The following FRMD4A variants were observed in gnomAD, a reference collection of about 807,000 sequenced individuals.
The protein encoded by FRMD4A is FERM domain-containing protein 4A.
Under a neutral mutation model 129.1 loss-of-function variants are expected in FRMD4A, and 29 were observed. That is an observed-to-expected ratio of 0.22 (90% CI 0.17 to 0.31). The LOEUF (loss-of-function observed/expected upper bound fraction) is 0.31. FRMD4A is among the 10% of genes least tolerant of loss of function. FRMD4A has a pLI of 1.00. For missense variants in FRMD4A, 1,272 were observed against 1,375.8 expected, an observed-to-expected ratio of 0.92 and a Z score of 1.19; for synonymous variants, 634 against 571.6, an observed-to-expected ratio of 1.11 and a Z score of -1.56.
chr10:14,006,631 C>G (rs994507377), intron 2 of FRMD4A, among the ~76,000 whole-genome samples: 1 of 152,026 alleles, frequency 6.6e-6, no homozygotes, highest in Non-Finnish European at 1.5e-5. Flanking sequence ...TTCACACAGC[C>G]CTAAGGCACA....
At chr10:14,173,362 C>T (rs770540207) in intron 2 of FRMD4A, among the ~76,000 whole-genome samples, 10 of 152,120 alleles carry the variant, frequency 6.6e-5, no homozygotes, top group Non-Finnish European at 1.5e-4. Context: ...AGAACAAGCG[C>T]TTAGAGTCTT....
chr10:14,169,354 T>C (rs1841357492), intron 2 of FRMD4A, among the ~76,000 whole-genome samples: 1 of 152,176 alleles, frequency 6.6e-6, no homozygotes, highest in Non-Finnish European at 1.5e-5. Flanking sequence ...CTTGATGTTA[T>C]CACACAAATT....
chr10:14,236,174 C>T (rs1256715254), intron 2 of FRMD4A, among the ~76,000 whole-genome samples: 1 of 152,224 alleles, frequency 6.6e-6, no homozygotes, highest in Non-Finnish European at 1.5e-5. Flanking sequence ...CAGAGTAAAA[C>T]CCTTTTCCTT....
At chr10:14,021,079 G>A (rs1435662697) in intron 2 of FRMD4A, among the ~76,000 whole-genome samples, 1 of 152,062 alleles carries the variant, frequency 6.6e-6, no homozygotes, top group African/African-American at 2.4e-5. Context: ...TAAGGAAACT[G>A]AAGCTCACAA....
intron 2 of FRMD4A, among the ~76,000 whole-genome samples, chr10:13,971,266 C>T (rs1156503089): frequency 1.3e-5 from 2 of 152,212 alleles, no homozygotes; most frequent in African/African-American, 2.4e-5. Context: ...GTGGAAAGAA[C>T]ATCCTTTGTC....
chr10:14,098,168 T>C (rs1471755976), intron 2 of FRMD4A, among the ~76,000 whole-genome samples: 6 of 147,574 alleles, frequency 4.1e-5, no homozygotes, highest in East Asian at 1.9e-4. Flanking sequence ...ATATTATATA[T>C]AATTTATTTT....
chr10:13,659,589 G>T, intron 20 of FRMD4A, 99 bp from the exon 21 acceptor site: 2 of 1,237,150 alleles, frequency 1.6e-6, no homozygotes, highest in Non-Finnish European at 2.3e-6. Flanking sequence ...TGTGGGGAAA[G>T]CTCGCCCGTG....
At chr10:13,763,239 TA>T (rs1171057252) in intron 6 of FRMD4A, among the ~76,000 whole-genome samples, 1 of 152,204 alleles carries the variant, frequency 6.6e-6, no homozygotes, top group Non-Finnish European at 1.5e-5. Context: ...ACCTGTTTGT[TA>T]ATGTTATTAA....
intron 2 of FRMD4A, among the ~76,000 whole-genome samples, chr10:14,001,077 G>A (rs1008732): frequency 0.28 from 43,034 of 151,996 alleles, 7,311 homozygotes; most frequent in East Asian, 0.73. Context: ...AAACTAGCTG[G>A]TTTCCTTATG....
intron 2 of FRMD4A, among the ~76,000 whole-genome samples, chr10:14,137,719 C>T (rs1482445596): frequency 6.6e-6 from 1 of 152,188 alleles, no homozygotes; most frequent in Non-Finnish European, 1.5e-5. Flanking sequence ...CTTCATTAGC[C>T]ATCAATTGCA....
intron 12 of FRMD4A, among the ~76,000 whole-genome samples, chr10:13,712,553 A>G (rs187673253): frequency 1.3e-5 from 2 of 151,748 alleles, no homozygotes; most frequent in Admixed American, 1.3e-4. Context: ...AACAGCCTGG[A>G]TGATCTGGAC....
intron 2 of FRMD4A, among the ~76,000 whole-genome samples, chr10:14,092,312 G>A (rs1836707665): frequency 2.0e-5 from 3 of 152,230 alleles, no homozygotes; most frequent in Non-Finnish European, 4.4e-5. Flanking sequence ...CCTATGGACA[G>A]TGATTGAAAG....
chr10:14,191,657 G>C (rs1203637999), intron 2 of FRMD4A, among the ~76,000 whole-genome samples: 7 of 152,336 alleles, frequency 4.6e-5, no homozygotes, highest in Non-Finnish European at 2.9e-5. Context: ...CCAATCATCA[G>C]TCTTTAACTA....
chr10:13,787,847 C>T (rs559794175), intron 5 of FRMD4A, among the ~76,000 whole-genome samples: 19 of 148,182 alleles, frequency 1.3e-4, no homozygotes, highest in African/African-American at 4.0e-4. Context: ...TTTGGGAGGC[C>T]GAGGCAGGCA....
At chr10:14,300,082 T>A (rs1366183339) in intron 2 of FRMD4A, among the ~76,000 whole-genome samples, 1 of 151,752 alleles carries the variant, frequency 6.6e-6, no homozygotes. Context: ...CTTTTATACC[T>A]TCGTGTAGGA....
Position 13,858,840 on chromosome 10 carries a change from G to A in FRMD4A, c.111+7C>T, listed in dbSNP as rs201226682. The A allele has an allele frequency of 5.1e-4, 796 of 1,561,904 alleles. 4 individuals are homozygous for A. The African/African-American group carries it at 9.5e-3, about 19-fold the overall frequency. ...GAAACTCAGAAAGTTGACCAAAAGCGATTTACCTGTACTAGGAGTTCCAGC... is the reference window on the plus strand; with the variant it reads ...GAAACTCAGAAAGTTGACCAAAAGCAATTTACCTGTACTAGGAGTTCCAGC... On this transcript the variant is annotated splice_region_variant and intron_variant, in intron 3 of 24. Coordinates refer to ENST00000357447, the MANE Select transcript of FRMD4A (RefSeq NM_018027.5).
At chr10:13,898,511 T>C (rs1300199564) in intron 2 of FRMD4A, among the ~76,000 whole-genome samples, 2 of 152,196 alleles carry the variant, frequency 1.3e-5, no homozygotes, top group Admixed American at 6.5e-5. Context: ...TTTAGAGAAA[T>C]AAATTAATGT....
intron 2 of FRMD4A, among the ~76,000 whole-genome samples, chr10:13,936,980 G>A (rs777806869): frequency 3.3e-5 from 5 of 152,112 alleles, no homozygotes; most frequent in African/African-American, 4.8e-5. Flanking sequence ...AAGCTGCTGC[G>A]GTCTCAGCTG....
At chr10:13,972,420 G>A (rs1003772180) in intron 2 of FRMD4A, 8 of 568,554 alleles carry the variant, frequency 1.4e-5, no homozygotes, top group South Asian at 7.8e-5. Flanking sequence ...CTTTGGAAGC[G>A]TCCCAAGTTT....
Sources: allele counts gnomAD v4.1 joint callset (sites outside exome capture counted in the v4.1 genomes callset), GRCh38; gene constraint gnomAD v4.1.1; transcripts MANE v1.5; gene names NCBI Gene and HGNC (gene_info 2026-07-23, HGNC 2026-07-21).